The following NOL6 variants were observed in gnomAD, a reference collection of about 807,000 sequenced individuals.
NOL6 encodes the protein nucleolar protein 6.
A neutral mutation model predicts 131.7 loss-of-function variants in NOL6; 33 were observed. The observed-to-expected ratio is 0.25, with a 90% CI of 0.19 to 0.33. The LOEUF (loss-of-function observed/expected upper bound fraction) is 0.33. NOL6 is among the 10% of genes least tolerant of loss of function. The pLI is 1.00. For missense variants in NOL6, 1,297 were observed against 1,494.5 expected (o/e 0.87, Z 2.18); for synonymous variants, 580 against 605.7 (o/e 0.96, Z 0.62).
chr9:33,467,272 C>T lies in NOL6; in HGVS notation c.1726-10G>A. On this transcript the variant is annotated splice_polypyrimidine_tract_variant and intron_variant, in intron 13 of 25. Coordinates refer to ENST00000297990, the MANE Select transcript of NOL6 (RefSeq NM_022917.5). The surrounding 1 kb of genome is among the most constrained non-coding windows in gnomAD (Gnocchi z 4.4). ...GGCGGAATTTAGCAGCCTGAGGAGG[C>T]AAGGGTGGTAGTAGAGCTGGGGAAG... 1.2e-6 allele frequency: 2 copies of T among 1,613,896 alleles called. No individual in the cohort carries two copies. Among genetic ancestry groups the T allele is most frequent in the East Asian group, 2.2e-5 (1 of 44,880 alleles).
chr9:33,465,772 G>A lies in NOL6; in HGVS notation c.2490C>T (p.Asp830=), dbSNP rs763463783. ...TGGTGAGCAGTGGCAACTGCCTTGT[G>A]TCTCTCTCAAGGCGGAGGGAGGCAG... is the stretch of plus-strand genomic sequence containing the variant. The part of the protein sequence containing the change: ...DTAASLRLER[D]TRQLPLLTSA... Residue 830 remains aspartate, a synonymous_variant, in exon 19 of 26, where the codon GAC becomes GAT. Transcript: ENST00000297990. The A allele has an allele frequency of 1.9e-6, 3 of 1,613,676 alleles. No individual in the cohort carries two copies. Among genetic ancestry groups the A allele is most frequent in the Non-Finnish European group, 2.5e-6 (3 of 1,179,834 alleles).
At chr9:33,463,620 C>T (rs1220410340) in intron 23 of NOL6, among the ~76,000 whole-genome samples, 179 bp from the exon 24 acceptor site, 2 of 152,168 alleles carry the variant, frequency 1.3e-5, no homozygotes, top group African/African-American at 2.4e-5. Context: ...TTGCATAGCC[C>T]GGCAGAAGGA....
intron 21 of NOL6, 148 bp from the exon 22 acceptor site, chr9:33,464,309 G>A: frequency 2.9e-6 from 3 of 1,036,534 alleles, no homozygotes; most frequent in Non-Finnish European, 4.1e-6. Flanking sequence ...GGTGACGAAA[G>A]GGACATCGCA....
rs1258173909 is a variant in NOL6 at position 33,472,075 on chromosome 9, C to G, written c.307G>C (p.Asp103His). ...KEVRLSEKKK[D>H]RIDAFLREVN... is the part of the protein sequence containing the mutation. ...TCCCGTAGGAAGGCATCAATCCGATCCTTCTTCTTCTCTGACAGCCTTACT... is the reference window on the plus strand; with the variant it reads ...TCCCGTAGGAAGGCATCAATCCGATGCTTCTTCTTCTCTGACAGCCTTACT... Residue 103 changes from aspartate (D) to histidine (H), a missense_variant, in exon 3 of 26, where the codon GAT becomes CAT. By Grantham distance (81) the Asp-to-His change is moderately conservative. Coordinates refer to ENST00000297990, the MANE Select transcript of NOL6 (RefSeq NM_022917.5). 5.0e-6 allele frequency: 8 copies of G among 1,613,938 alleles called. No homozygotes were observed. The highest frequency in any genetic ancestry group is 1.3e-5 in the African/African-American group (1 of 74,930).
At chr9:33,463,715 C>T (rs1827162993) in intron 23 of NOL6, 116 bp downstream of exon 23, 1 of 1,144,466 alleles carries the variant, frequency 8.7e-7, no homozygotes, top group South Asian at 1.4e-5. Flanking sequence ...TTCAACACCT[C>T]CTCTGTTCAG....
intron 25 of NOL6, 41 bp from the exon 26 acceptor site, chr9:33,462,854 C>T (rs374226923): frequency 2.6e-5 from 42 of 1,610,200 alleles, no homozygotes; most frequent in African/African-American, 1.5e-4. Flanking sequence ...AGTGTCACAG[C>T]GGCACACCCA....
intron 5 of NOL6, 43 bp from the exon 6 acceptor site, chr9:33,469,384 G>A (rs754209255): frequency 1.2e-6 from 2 of 1,612,872 alleles, no homozygotes; most frequent in African/African-American, 1.3e-5. Flanking sequence ...GGAGCCCTTG[G>A]AGCCAGAGGG....
Position 33,465,269 on chromosome 9 carries a change from A to G in NOL6, c.2619T>C (p.Asp873=). The change falls in exon 20 of 26, where the codon GAT becomes GAC. Residue 873 remains aspartate (D), a synonymous_variant. Coordinates refer to ENST00000297990, the MANE Select transcript of NOL6 (RefSeq NM_022917.5). ...CAGCGGCCACCAGATCCAGGCTCTC[A>G]TCAGCGAAACCCTCACCAAGAAGCT... ...RAQLLGEGFA[D]ESLDLVAAAL... 6.3e-7 allele frequency: 1 copy of G among 1,597,864 alleles called. No individual in the cohort carries two copies. Among genetic ancestry groups the G allele is most frequent in the Non-Finnish European group, 8.5e-7 (1 of 1,171,774 alleles).
At chr9:33,473,132 C>T (rs116990601) in intron 1 of NOL6, among the ~76,000 whole-genome samples, 5,538 of 152,254 alleles carry the variant, frequency 0.036, 157 homozygotes, top group Non-Finnish European at 0.058. Flanking sequence ...TCCACCTCCT[C>T]TAGGAAGACC....
Position 33,468,058 on chromosome 9 carries a change from T to C in NOL6, c.1396A>G (p.Met466Val), listed in dbSNP as rs202162427. Residue 466 changes from methionine to valine, a missense_variant, in exon 11 of 26, where the codon ATG becomes GTG. By Grantham distance (21) the Met-to-Val change is conservative. Transcript: ENST00000297990. ...AGGACATGGTCAAAAGCCCGGATCA[T>C]GGGTTTGGGAGTCATCAACAGCAGG... ...FHLLLMTPKP[M>V]IRAFDHVLHL... is the part of the protein sequence containing the mutation. 4.7e-5 allele frequency: 76 copies of C among 1,614,090 alleles called. No individual in the cohort carries two copies. The Admixed American group carries it at 8.0e-4, about 17-fold the overall frequency.
Position 33,465,266 on chromosome 9 carries a change from C to T in NOL6, c.2622G>A (p.Glu874=). ...AQLLGEGFAD[E]SLDLVAAALF... Reference sequence around the variant, plus strand: ...GGGCAGCGGCCACCAGATCCAGGCTCTCATCAGCGAAACCCTCACCAAGAA... The same window carrying T: ...GGGCAGCGGCCACCAGATCCAGGCTTTCATCAGCGAAACCCTCACCAAGAA... The change falls in exon 20 of 26, where the codon GAG becomes GAA. Residue 874 remains glutamate (E), a synonymous_variant. Transcript: ENST00000297990. 6.3e-7 allele frequency: 1 copy of T among 1,598,140 alleles called. No homozygotes were observed. The highest frequency in any genetic ancestry group is 8.5e-7 in the Non-Finnish European group (1 of 1,171,964).
rs751790711 is a variant in NOL6 at position 33,468,497 on chromosome 9, C to T, written c.1206+11G>A. ...GCCTCCTGGCATAGACCTGGCCCTT[C>T]CCCAACTCACCAAAGAGGGATCTGA... On this transcript the variant is annotated intron_variant, in intron 9 of 25. Coordinates refer to ENST00000297990, the MANE Select transcript of NOL6 (RefSeq NM_022917.5). 1.5e-5 allele frequency: 25 copies of T among 1,614,008 alleles called. No homozygotes were observed. Among genetic ancestry groups the T allele is most frequent in the Non-Finnish European group, 1.8e-5 (21 of 1,179,982 alleles).
chr9:33,468,397 G>T lies in NOL6; in HGVS notation c.1232C>A (p.Ala411Asp), dbSNP rs1827309273. ...GGAATCCAGGAAGACAACGGAGAAG[G>T]CCTGGTGGAAGTCAGCCAGGGCCGG... ...SLPALADFHQ[A>D]FSVVFLDSSG... The change falls in exon 10 of 26, where the codon GCC becomes GAC. Residue 411 changes from alanine to aspartate, a missense_variant. Coordinates refer to ENST00000297990, the MANE Select transcript of NOL6 (RefSeq NM_022917.5). 1 of 1,614,176 alleles carries T rather than the reference G, an allele frequency of 6.2e-7. No homozygotes were observed. Among genetic ancestry groups the T allele is most frequent in the Non-Finnish European group, 8.5e-7 (1 of 1,180,012 alleles).
At chr9:33,472,455 C>G (rs376259699) in intron 1 of NOL6, 43 bp from the exon 2 acceptor site, 2 of 1,507,540 alleles carry the variant, frequency 1.3e-6, no homozygotes, top group African/African-American at 1.4e-5. Context: ...TAATAGGTAT[C>G]TAGCATCTGC....
chr9:33,464,190 C>A (rs1827178456), intron 21 of NOL6, 29 bp from the exon 22 acceptor site: 1 of 1,577,894 alleles, frequency 6.3e-7, no homozygotes. Flanking sequence ...CCTGGGTCAG[C>A]CTGCTCCTCC....
chr9:33,472,031 C>T lies in NOL6; in HGVS notation c.351G>A (p.Val117=). ...AFLREVNQRV[V]RVPSVPETEL... is the part of the protein sequence containing the mutation. ...CTGTCTCAGGGACTGAGGGCACCCTCACAACCCGCTGGTTGACCTCCCGTA... is the reference window on the plus strand; with the variant it reads ...CTGTCTCAGGGACTGAGGGCACCCTTACAACCCGCTGGTTGACCTCCCGTA... Residue 117 remains valine, a synonymous_variant, in exon 3 of 26, where the codon GTG becomes GTA. Transcript: ENST00000297990. 1.9e-6 allele frequency: 3 copies of T among 1,612,594 alleles called. No homozygotes were observed. Among genetic ancestry groups the T allele is most frequent in the Admixed American group, 1.7e-5 (1 of 60,024 alleles).
intron 3 of NOL6, 143 bp from the exon 4 acceptor site, chr9:33,470,334 C>CA: frequency 2.8e-6 from 2 of 721,270 alleles, no homozygotes; most frequent in South Asian, 6.2e-5. Flanking sequence ...CTTGCTAAGA[C>CA]AACTCCATAT....
In NOL6 at chr9:33,470,039, A is replaced by G. The variant is rs760144609; in HGVS notation, c.531T>C (p.Asn177=). 1 of 1,609,090 alleles carries G rather than the reference A, an allele frequency of 6.2e-7. No homozygotes were observed. Among genetic ancestry groups the G allele is most frequent in the South Asian group, 1.1e-5 (1 of 90,456 alleles). The stretch of plus-strand genomic sequence containing the variant: ...TGGGCATGGTCAGTGCCACATCCAC[A>G]TTGATGTCTGGTCGGATGCAGGTGC... The part of the protein sequence containing the change: ...LLGTCIRPDI[N]VDVALTMPRE... Residue 177 remains asparagine (N), a synonymous_variant, in exon 4 of 26, where the codon AAT becomes AAC. Coordinates refer to ENST00000297990, the MANE Select transcript of NOL6 (RefSeq NM_022917.5).
rs1268188497 is a variant in NOL6 at position 33,464,797 on chromosome 9, C to T, written c.2779+82G>A. ...TGGGGCTGGGGAGGCACAGAGAAAACCTAACACTGCCAGGGAAACCCTTGC... is the reference window on the plus strand; with the variant it reads ...TGGGGCTGGGGAGGCACAGAGAAAATCTAACACTGCCAGGGAAACCCTTGC... On this transcript the variant is annotated intron_variant, in intron 21 of 25. Transcript: ENST00000297990. 7 of 1,021,544 alleles carry T rather than the reference C, an allele frequency of 6.9e-6. No individual in the cohort carries two copies. In the African/African-American group the frequency reaches 1.1e-4, roughly 16 times the overall value. The allele number at this position is 1,021,544 out of a possible 1,614,324, so 63.3% of individuals were successfully genotyped here.
Sources: allele counts gnomAD v4.1 joint callset (sites outside exome capture counted in the v4.1 genomes callset), GRCh38; gene constraint gnomAD v4.1.1; non-coding constraint Gnocchi (gnomAD v3.1); transcripts MANE v1.5; gene names NCBI Gene and HGNC (gene_info 2026-07-23, HGNC 2026-07-21).